MAP4K3: variants seen among roughly 807,000 people sequenced by gnomAD.
MAP4K3 encodes the protein MAPK/ERK kinase kinase kinase 3.
Under a neutral mutation model 143.5 loss-of-function variants are expected in MAP4K3, and 94 were observed. The observed-to-expected ratio is 0.65, with a 90% confidence interval of 0.55 to 0.78. The LOEUF is 0.78. MAP4K3 is among the 30% of genes least tolerant of loss of function. The pLI is 0.00. For synonymous variants in MAP4K3, 416 were observed against 347.2 expected (o/e 1.20, Z -2.20); for missense variants, 1,077 against 1,068.1 (o/e 1.01, Z -0.12).
Position 39,290,672 on chromosome 2 carries a change from G to C in MAP4K3, c.1272-338C>G, listed in dbSNP as rs1242065172. On this transcript the variant is annotated intron_variant, in intron 18 of 33. Coordinates refer to ENST00000263881, the MANE Select transcript of MAP4K3 (RefSeq NM_003618.4). ...GGAACTGGGAAGGGCAGGGAAAAGGGGACGAAAGGGAGAGATTTGTTAAAG... is the reference window on the plus strand; with the variant it reads ...GGAACTGGGAAGGGCAGGGAAAAGGCGACGAAAGGGAGAGATTTGTTAAAG... Among the ~76,000 whole-genome samples, 3 of 152,104 alleles carry C rather than the reference G, an allele frequency of 2.0e-5. No homozygotes were observed. In the East Asian group the frequency reaches 5.8e-4, roughly 29 times the overall value.
At chr2:39,377,194 A>G (rs956670306) in intron 2 of MAP4K3, among the ~76,000 whole-genome samples, 2 of 35,798 alleles carry the variant, frequency 5.6e-5, no homozygotes, top group African/African-American at 1.0e-4. Flanking sequence ...AGTATTGGCT[A>G]TTTGGCCTTT....
chr2:39,295,318 T>C (rs1451566750), intron 16 of MAP4K3, among the ~76,000 whole-genome samples: 2 of 151,812 alleles, frequency 1.3e-5, no homozygotes, highest in African/African-American at 4.8e-5. Flanking sequence ...CACAAAAGTA[T>C]GTTATTTATA....
chr2:39,400,008 T>C (rs1666910524), intron 1 of MAP4K3, among the ~76,000 whole-genome samples: 1 of 152,144 alleles, frequency 6.6e-6, no homozygotes. Flanking sequence ...CAGACTTCAG[T>C]AAGCTCAAAG....
intron 1 of MAP4K3, among the ~76,000 whole-genome samples, chr2:39,435,689 T>C (rs1330736369): frequency 6.6e-6 from 1 of 152,226 alleles, no homozygotes; most frequent in Admixed American, 6.5e-5. Flanking sequence ...CTTAGGAAGA[T>C]TTGGAACCAA....
At chr2:39,345,304 G>A (rs1435229437) in intron 3 of MAP4K3, among the ~76,000 whole-genome samples, 1 of 139,740 alleles carries the variant, frequency 7.2e-6, no homozygotes, top group Non-Finnish European at 1.5e-5. Flanking sequence ...GGGTCGGGGG[G>A]AAGGTGCAGG....
intron 15 of MAP4K3, among the ~76,000 whole-genome samples, chr2:39,307,052 A>G (rs865813987): frequency 2.0e-5 from 3 of 152,250 alleles, no homozygotes; most frequent in Non-Finnish European, 2.9e-5. Context: ...TTTATATTTT[A>G]CAAATGTCAG....
intron 1 of MAP4K3, among the ~76,000 whole-genome samples, chr2:39,385,491 G>A (rs1666472493): frequency 6.9e-6 from 1 of 145,348 alleles, no homozygotes; most frequent in Non-Finnish European, 1.5e-5. Flanking sequence ...CTGTTTTCCA[G>A]TCTTTCATCC....
intron 1 of MAP4K3, among the ~76,000 whole-genome samples, chr2:39,428,872 A>G (rs1465368664): frequency 2.0e-5 from 3 of 151,734 alleles, no homozygotes; most frequent in Non-Finnish European, 4.4e-5. Context: ...GTTCGAGACC[A>G]GCCTGGCCAA....
intron 1 of MAP4K3, among the ~76,000 whole-genome samples, chr2:39,406,777 T>C (rs1667103581): frequency 6.6e-6 from 1 of 151,884 alleles, no homozygotes; most frequent in South Asian, 2.1e-4. Context: ...CAACAAGAAA[T>C]CATCTGAAGG....
intron 2 of MAP4K3, among the ~76,000 whole-genome samples, chr2:39,372,711 G>T (rs1666116544): frequency 6.6e-6 from 1 of 152,060 alleles, no homozygotes; most frequent in Non-Finnish European, 1.5e-5. Context: ...TCAATAAGTG[G>T]TGCTGAGAAA....
At chr2:39,330,899 T>C (rs1683661054) in intron 8 of MAP4K3, among the ~76,000 whole-genome samples, 1 of 152,122 alleles carries the variant, frequency 6.6e-6, no homozygotes, top group Non-Finnish European at 1.5e-5. Flanking sequence ...ACTGGAAAGA[T>C]AAGATGATTG....
rs532914953 is a variant in MAP4K3, at chr2:39,393,385, T to C, written c.97-15262A>G. The stretch of plus-strand genomic sequence containing the variant: ...GCCTTTTACTTAAGATAATTTCCAT[T>C]TTACAAGAGAATATACTTTTCAAAC... On this transcript the variant is annotated intron_variant, in intron 1 of 33. Coordinates refer to ENST00000263881, the MANE Select transcript of MAP4K3 (RefSeq NM_003618.4). Among the ~76,000 whole-genome samples the C allele has an allele frequency of 1.0e-3, 154 of 152,306 alleles. 1 individual carries two copies. The highest frequency in any genetic ancestry group is 3.3e-3 in the African/African-American group (139 of 41,576).
rs752310736 is a variant in MAP4K3 at position 39,286,860 on chromosome 2, CTTTCT to C, written c.1574_1578del (p.Lys525ArgfsTer7). ...TGACTATCAATACCTACTGGTACATCTTTCTTTTCTTTTCTTGAAAGGTTTGTGCC... is the reference window on the plus strand; with the variant it reads ...TGACTATCAATACCTACTGGTACATCTTTCTTTTCTTGAAAGGTTTGTGCC... On this transcript the variant is annotated frameshift_variant, in exon 21 of 34. Transcript: ENST00000263881. LOFTEE classifies it high-confidence loss of function. 12 of 1,598,842 alleles carry C rather than the reference CTTTCT, an allele frequency of 7.5e-6. No homozygotes were observed. The highest frequency in any genetic ancestry group is 4.5e-5 in the East Asian group (2 of 44,674).
intron 2 of MAP4K3, among the ~76,000 whole-genome samples, chr2:39,373,140 G>T (rs1362828848): frequency 2.0e-5 from 3 of 152,180 alleles, no homozygotes. Flanking sequence ...GATCTGAACA[G>T]ACATTTCTTC....
chr2:39,281,060 T>C (rs1681504726), intron 22 of MAP4K3, among the ~76,000 whole-genome samples: 1 of 152,196 alleles, frequency 6.6e-6, no homozygotes, highest in Non-Finnish European at 1.5e-5. Context: ...ATTATCCTTC[T>C]GGTTAAATAC....
chr2:39,378,150 T>C (rs367659795), intron 1 of MAP4K3, 27 bp from the exon 2 acceptor site: 102 of 1,355,394 alleles, frequency 7.5e-5, no homozygotes, highest in Non-Finnish European at 8.5e-5. Flanking sequence ...AAAAGGATTA[T>C]TGTGAAGAAA....
chr2:39,424,092 T>C (rs1000300388), intron 1 of MAP4K3, among the ~76,000 whole-genome samples: 1 of 152,118 alleles, frequency 6.6e-6, no homozygotes, highest in Non-Finnish European at 1.5e-5. Flanking sequence ...TACAGATGTG[T>C]GCCACCACAC....
chr2:39,282,469 G>C (rs1326241984), intron 22 of MAP4K3, 44 bp downstream of exon 22: 7 of 1,512,586 alleles, frequency 4.6e-6, no homozygotes, highest in Middle Eastern at 1.7e-4. Context: ...ACACACACAA[G>C]TGACTTAGCT....
At chr2:39,337,667 G>T in intron 4 of MAP4K3, 86 bp from the exon 5 acceptor site, 1 of 749,380 alleles carries the variant, frequency 1.3e-6, no homozygotes, top group South Asian at 1.6e-5. Context: ...TTAAGCAACA[G>T]ACTTAATATC....
Sources: allele counts gnomAD v4.1 joint callset (sites outside exome capture counted in the v4.1 genomes callset), GRCh38; gene constraint gnomAD v4.1.1; transcripts MANE v1.5; gene names NCBI Gene and HGNC (gene_info 2026-07-23, HGNC 2026-07-21).